RBFOX1: variants seen among roughly 807,000 people sequenced by gnomAD.
RBFOX1 encodes the protein RNA binding fox-1 homolog 1.
A neutral mutation model predicts 57.7 loss-of-function variants in RBFOX1; 8 were observed. The ratio of observed to expected loss-of-function variants is 0.14; its 90% CI spans 0.08 to 0.25. The LOEUF is 0.25. RBFOX1 is among the 10% of genes least tolerant of loss of function. The pLI, the probability that RBFOX1 is intolerant of heterozygous loss-of-function variation, is 1.00. For missense variants in RBFOX1, 611 were observed against 548.5 expected, an observed-to-expected ratio of 1.11 and a Z score of -1.14; for synonymous variants, 326 against 222.4, an observed-to-expected ratio of 1.47 and a Z score of -4.15.
chr16:7,660,464 T>C (rs1022826017), intron 12 of RBFOX1, among the ~76,000 whole-genome samples: 1 of 152,246 alleles, frequency 6.6e-6, no homozygotes. Flanking sequence ...TTTCCCTGCA[T>C]ATCTTATATT....
intron 3 of RBFOX1, among the ~76,000 whole-genome samples, chr16:5,833,274 A>G (rs1179767209): frequency 1.3e-5 from 2 of 152,110 alleles, no homozygotes; most frequent in Non-Finnish European, 1.5e-5. Flanking sequence ...CAGGTGGATC[A>G]TGAGGTCAGG....
chr16:5,760,203 C>G (rs928437865), intron 3 of RBFOX1, among the ~76,000 whole-genome samples: 1 of 152,094 alleles, frequency 6.6e-6, no homozygotes, highest in Non-Finnish European at 1.5e-5. Context: ...TTGAAAGTCC[C>G]ACATTCTGGA....
At chr16:7,312,137 T>A (rs1025735945) in intron 4 of RBFOX1, among the ~76,000 whole-genome samples, 2 of 152,174 alleles carry the variant, frequency 1.3e-5, no homozygotes, top group East Asian at 1.9e-4. Flanking sequence ...CCCAGCACTT[T>A]AGGAGGCAGA....
At position 7,052,070 on chromosome 16, in the gene RBFOX1, A is replaced by T; in HGVS notation, c.-2A>T. ...TTTTCTTTCTAGGTTTCAAGACAAC[A>T]GATGAATTGTGAAAGAGAGCAGCTA... On this transcript the variant is annotated 5_prime_UTR_variant, in exon 4 of 16. Coordinates refer to ENST00000550418, the MANE Select transcript of RBFOX1 (RefSeq NM_018723.4). 1 of 1,612,520 alleles carries T rather than the reference A, an allele frequency of 6.2e-7. No individual in the cohort carries two copies. The highest frequency in any genetic ancestry group is 8.5e-7 in the Non-Finnish European group (1 of 1,179,516).
chr16:6,637,430 TTA>T (rs71145264), intron 2 of RBFOX1, among the ~76,000 whole-genome samples: 5 of 23,496 alleles, frequency 2.1e-4, no homozygotes, highest in African/African-American at 6.3e-4. Context: ...TATAAATATA[TTA>T]TATAAATATA....
intron 1 of RBFOX1, among the ~76,000 whole-genome samples, chr16:5,352,714 G>T (rs1028433055): frequency 3.3e-5 from 5 of 152,170 alleles, no homozygotes; most frequent in East Asian, 3.9e-4. Flanking sequence ...AGGCCAAGGT[G>T]GGGGGATTGC....
chr16:6,187,267 G>T (rs115676158), intron 1 of RBFOX1, among the ~76,000 whole-genome samples: 1 of 152,010 alleles, frequency 6.6e-6, no homozygotes, highest in Non-Finnish European at 1.5e-5. Context: ...TTGGGATGAC[G>T]ATCGATGTTT....
chr16:5,844,810 A>T (rs924279830), intron 3 of RBFOX1, among the ~76,000 whole-genome samples: 1 of 152,200 alleles, frequency 6.6e-6, no homozygotes, highest in Admixed American at 6.5e-5. Flanking sequence ...TCAGGAGCCA[A>T]CACAAAGGCG....
In RBFOX1 at chr16:6,084,044, C is replaced by T. The variant is rs551342532; in HGVS notation, c.-127+64052C>T. On this transcript the variant is annotated intron_variant, in intron 1 of 15. Transcript: ENST00000550418. ...GAGTATAACGGTTAAAGAGTCTCAACTTTGCTACTCAACACTTTTTGACCC... is the reference window on the plus strand; with the variant it reads ...GAGTATAACGGTTAAAGAGTCTCAATTTTGCTACTCAACACTTTTTGACCC... 7.3e-4 allele frequency among the ~76,000 whole-genome samples: 111 copies of T among 152,278 alleles called. 2 individuals carry two copies. In the South Asian group the frequency reaches 0.021, roughly 29 times the overall value.
chr16:7,047,338 T>G (rs1269644097), intron 3 of RBFOX1, among the ~76,000 whole-genome samples: 1 of 152,220 alleles, frequency 6.6e-6, no homozygotes, highest in African/African-American at 2.4e-5. Flanking sequence ...AATTATTTTT[T>G]CAGTATTTCA....
intron 14 of RBFOX1, among the ~76,000 whole-genome samples, chr16:7,697,622 A>T (rs2079205242): frequency 6.6e-6 from 1 of 152,154 alleles, no homozygotes; most frequent in African/African-American, 2.4e-5. Flanking sequence ...TGGAAAGTGA[A>T]AAAAACATAC....
upstream of RBFOX1, among the ~76,000 whole-genome samples, chr16:6,016,627 G>T (rs2094995444): frequency 6.6e-6 from 1 of 152,198 alleles, no homozygotes; most frequent in Admixed American, 6.5e-5. Flanking sequence ...TTTATGAAAG[G>T]TACCATTTTT....
intron 14 of RBFOX1, among the ~76,000 whole-genome samples, chr16:7,681,010 C>A (rs145867741): frequency 1.5e-4 from 23 of 152,164 alleles, no homozygotes; most frequent in Non-Finnish European, 2.9e-4. Flanking sequence ...TTCAAGTGGT[C>A]ACAAACTACA....
chr16:6,599,140 C>T (rs1323902677), intron 2 of RBFOX1, among the ~76,000 whole-genome samples: 1 of 152,134 alleles, frequency 6.6e-6, no homozygotes, highest in Non-Finnish European at 1.5e-5. Context: ...TGGCGTTATC[C>T]ATGTACTTGT....
chr16:5,519,721 T>C (rs952325268), intron 2 of RBFOX1, among the ~76,000 whole-genome samples: 12 of 152,300 alleles, frequency 7.9e-5, no homozygotes, highest in African/African-American at 2.9e-4. Flanking sequence ...TGAGATGGTG[T>C]CTCAGAAAAA....
At chr16:6,879,864 C>G (rs1240656545) in intron 3 of RBFOX1, among the ~76,000 whole-genome samples, 1 of 152,184 alleles carries the variant, frequency 6.6e-6, no homozygotes, top group Non-Finnish European at 1.5e-5. Flanking sequence ...TGAATTATCT[C>G]ATAAATGTGC....
At chr16:6,960,376 C>G (rs984914802) in intron 3 of RBFOX1, among the ~76,000 whole-genome samples, 2 of 152,112 alleles carry the variant, frequency 1.3e-5, no homozygotes, top group Non-Finnish European at 2.9e-5. Flanking sequence ...CTCTGGAAAA[C>G]TTTCTAATTT....
At chr16:5,442,277 A>T (rs952159839) in intron 1 of RBFOX1, among the ~76,000 whole-genome samples, 4 of 152,226 alleles carry the variant, frequency 2.6e-5, no homozygotes, top group Non-Finnish European at 5.9e-5. Flanking sequence ...GGGATGTTGC[A>T]TGTTATGAGA....
intron 3 of RBFOX1, among the ~76,000 whole-genome samples, chr16:6,809,032 A>T (rs1422434703): frequency 6.6e-6 from 1 of 152,200 alleles, no homozygotes. Context: ...ATGCACCTGT[A>T]ACAATAGTTG....
Sources: gnomAD v4.1 joint callset for allele counts (sites outside exome capture counted in the v4.1 genomes callset) on GRCh38, gnomAD v4.1.1 for gene constraint, MANE v1.5 for transcripts, NCBI Gene and HGNC (gene_info 2026-07-23, HGNC 2026-07-21) for gene names.